The following ARHGAP28 variants were observed in gnomAD, a reference collection of about 807,000 sequenced individuals.
ARHGAP28 encodes Rho GTPase activating protein 28.
A neutral mutation model predicts 90.7 loss-of-function variants in ARHGAP28; 56 were observed. The observed-to-expected ratio is 0.62, with a 90% CI of 0.50 to 0.77. The LOEUF is 0.77. ARHGAP28 is among the 30% of genes least tolerant of loss of function. The probability of loss-of-function intolerance (pLI) is 0.00; values close to 1 mark genes in which losing one functional copy is unlikely to be tolerated. For synonymous variants in ARHGAP28, 308 were observed against 323.3 expected, an observed-to-expected ratio of 0.95 and a Z score of 0.51; for missense variants, 869 against 900.9, an observed-to-expected ratio of 0.96 and a Z score of 0.45.
chr18:6,883,842 A>C (rs995725311), intron 11 of ARHGAP28, among the ~76,000 whole-genome samples: 23 of 151,868 alleles, frequency 1.5e-4, no homozygotes, highest in African/African-American at 5.6e-4. Context: ...ACCAGTATCT[A>C]TTTTCTTTGT....
chr18:6,767,141 G>A (rs184823588), intron 1 of ARHGAP28, among the ~76,000 whole-genome samples: 5 of 150,614 alleles, frequency 3.3e-5, no homozygotes, highest in African/African-American at 7.3e-5. Context: ...ATTATTTTTC[G>A]TGATGGCTGC....
intron 11 of ARHGAP28, among the ~76,000 whole-genome samples, chr18:6,884,352 C>T (rs764330177): frequency 1.6e-4 from 25 of 152,010 alleles, no homozygotes; most frequent in Admixed American, 8.5e-4. Flanking sequence ...CCAGCCTGGG[C>T]GACAGAGCAA....
At chr18:6,785,231 G>C (rs1202586227) in intron 1 of ARHGAP28, among the ~76,000 whole-genome samples, 1 of 152,158 alleles carries the variant, frequency 6.6e-6, no homozygotes, top group Admixed American at 6.5e-5. Flanking sequence ...ACAGATTCCA[G>C]ATTACCTCAG....
At chr18:6,851,902 GGA>G (rs112627548) in intron 4 of ARHGAP28, among the ~76,000 whole-genome samples, 77 of 152,202 alleles carry the variant, frequency 5.1e-4, no homozygotes, top group African/African-American at 1.8e-3. Context: ...GGTGAGGAGG[GGA>G]GAGAACGAGA....
At chr18:6,877,007 C>T (rs893742910) in intron 10 of ARHGAP28, among the ~76,000 whole-genome samples, 6 of 152,138 alleles carry the variant, frequency 3.9e-5, no homozygotes, top group African/African-American at 1.2e-4. Flanking sequence ...GATGTGAAAA[C>T]CTGAGCAGTT....
At chr18:6,842,068 G>A (rs2056831780) in intron 3 of ARHGAP28, among the ~76,000 whole-genome samples, 2 of 152,036 alleles carry the variant, frequency 1.3e-5, no homozygotes, top group South Asian at 2.1e-4. Flanking sequence ...TAAAAATTTG[G>A]CCAGGCATGA....
intron 2 of ARHGAP28, among the ~76,000 whole-genome samples, chr18:6,833,045 A>T (rs571880985): frequency 6.6e-6 from 1 of 152,172 alleles, no homozygotes; most frequent in East Asian, 1.9e-4. Context: ...TACATACATC[A>T]ATGCAATGTT....
intron 1 of ARHGAP28, among the ~76,000 whole-genome samples, chr18:6,776,756 A>G (rs2056286913): frequency 1.3e-5 from 2 of 152,164 alleles, no homozygotes; most frequent in South Asian, 4.1e-4. Context: ...TTATTCTTTC[A>G]GTCGGTGGTA....
rs1377693454 is a variant in ARHGAP28 at position 6,733,986 on chromosome 18, G to T, written c.122+4043G>T. 3.3e-5 allele frequency among the ~76,000 whole-genome samples: 5 copies of T among 152,318 alleles called. No individual in the cohort carries two copies. The East Asian group carries it at 7.7e-4, about 23-fold the overall frequency. On this transcript the variant is annotated intron_variant, in intron 1 of 17. Transcript: ENST00000383472. ...TACAGTGCATTTCTAGATCATGGGG[G>T]ATTCCAACCACTGCGAAATTTATTC...
At chr18:6,865,170 G>T (rs1340896031) in intron 5 of ARHGAP28, among the ~76,000 whole-genome samples, 1 of 151,844 alleles carries the variant, frequency 6.6e-6, no homozygotes, top group African/African-American at 2.4e-5. Context: ...TTAGTCATTT[G>T]CATTAAAGTT....
chr18:6,826,117 G>GTTTTTTTT (rs35995654), intron 2 of ARHGAP28, among the ~76,000 whole-genome samples: 2 of 138,492 alleles, frequency 1.4e-5, no homozygotes, highest in African/African-American at 2.7e-5. Flanking sequence ...CATTGCCAGT[G>GTTTTTTTT]TTTTTTTTTT....
chr18:6,827,974 C>T (rs1417505793), intron 2 of ARHGAP28, among the ~76,000 whole-genome samples: 2 of 151,936 alleles, frequency 1.3e-5, no homozygotes, highest in African/African-American at 4.8e-5. Context: ...GCTGCAATCT[C>T]GGCACTTTGG....
intron 1 of ARHGAP28, among the ~76,000 whole-genome samples, chr18:6,758,777 C>CTCTA (rs1383077760): frequency 1.3e-5 from 2 of 152,038 alleles, no homozygotes; most frequent in African/African-American, 4.8e-5. Context: ...TGATTTTTTT[C>CTCTA]TCTATCTATT....
At chr18:6,791,878 A>C in intron 1 of ARHGAP28, among the ~76,000 whole-genome samples, 1 of 149,288 alleles carries the variant, frequency 6.7e-6, no homozygotes. Flanking sequence ...TTTGAGATGG[A>C]GTCTCACTCT....
intron 1 of ARHGAP28, among the ~76,000 whole-genome samples, chr18:6,804,445 T>C (rs1419824094): frequency 6.6e-6 from 1 of 152,170 alleles, no homozygotes; most frequent in African/African-American, 2.4e-5. Flanking sequence ...TTTTTGGTTC[T>C]GGTACTTGTT....
chr18:6,909,076 G>T, intron 17 of ARHGAP28, 52 bp downstream of exon 17: 2 of 1,008,080 alleles, frequency 2.0e-6, no homozygotes, highest in Admixed American at 2.2e-5. Context: ...TACTCTAAAA[G>T]AAATATGTTG....
intron 17 of ARHGAP28, among the ~76,000 whole-genome samples, chr18:6,910,776 A>G (rs181831902): frequency 2.6e-5 from 4 of 152,168 alleles, no homozygotes; most frequent in African/African-American, 7.2e-5. Context: ...AATATGTGGT[A>G]AGTGAATGAA....
At chr18:6,815,902 ATTG>A (rs2056587219) in intron 1 of ARHGAP28, among the ~76,000 whole-genome samples, 1 of 143,270 alleles carries the variant, frequency 7.0e-6, no homozygotes, top group African/African-American at 2.7e-5. Flanking sequence ...CTGATGTGTC[ATTG>A]TTTTTTTTTT....
At chr18:6,759,333 TTTCACTTAGAAC>T (rs1334585942) in intron 1 of ARHGAP28, among the ~76,000 whole-genome samples, 34 of 152,326 alleles carry the variant, frequency 2.2e-4, no homozygotes, top group African/African-American at 6.7e-4. Flanking sequence ...AAATTCTGCT[TTTCACTTAGAAC>T]ATTCTATGAT....
Sources: gnomAD v4.1 joint callset for allele counts (sites outside exome capture counted in the v4.1 genomes callset) on GRCh38, gnomAD v4.1.1 for gene constraint, MANE v1.5 for transcripts, NCBI Gene and HGNC (gene_info 2026-07-23, HGNC 2026-07-21) for gene names.